JDP2: variants seen among roughly 807,000 people sequenced by gnomAD.
JDP2 encodes the protein Jun dimerization protein 2.
JDP2 carries 9 observed loss-of-function variants against 17.1 expected under a neutral mutation model. The ratio of observed to expected loss-of-function variants is 0.53; its 90% confidence interval spans 0.32 to 0.92. The LOEUF (loss-of-function observed/expected upper bound fraction) is 0.92, where lower values mean the gene tolerates loss of function less well. JDP2 is among the 40% of genes least tolerant of loss of function. The pLI, the probability that JDP2 is intolerant of heterozygous loss-of-function variation, is 0.04. For synonymous variants in JDP2, 107 were observed against 95.6 expected (o/e 1.12, Z -0.69); for missense variants, 179 against 220.0 (o/e 0.81, Z 1.18).
At chr14:75,439,362 C>G (rs1169137215) in intron 2 of JDP2, among the ~76,000 whole-genome samples, 1 of 152,136 alleles carries the variant, frequency 6.6e-6, no homozygotes, top group African/African-American at 2.4e-5. Flanking sequence ...AAAAGAAACG[C>G]GAACCCCCAT....
chr14:75,432,481 T>C, intron 1 of JDP2: 1 of 770,486 alleles, frequency 1.3e-6, no homozygotes, highest in Non-Finnish European at 2.1e-6. Flanking sequence ...TCAGTCGCCA[T>C]TGCCCATGCC....
chr14:75,473,719 G>A lies in JDP2; in HGVS notation c.*4244G>A, dbSNP rs774899586. 1 of 152,182 alleles carries A rather than the reference G, an allele frequency of 6.6e-6. No individual in the cohort carries two copies. The highest frequency in any genetic ancestry group is 1.5e-5 in the Non-Finnish European group (1 of 68,020). The allele number at this position is 152,182 out of a possible 1,614,324, so 9.4% of individuals were successfully genotyped here. A position where few individuals can be genotyped will look rare whatever the true frequency, so the allele number is the denominator to read the frequency against. Reference sequence around the variant, plus strand: ...CTGTTGAGATGGAGGGTAGGGGAGTGAACTGCGGAAGGATACCACTTATGT... The same window carrying A: ...CTGTTGAGATGGAGGGTAGGGGAGTAAACTGCGGAAGGATACCACTTATGT... On this transcript the variant is annotated 3_prime_UTR_variant, in exon 4 of 4. Coordinates refer to ENST00000651602, the MANE Select transcript of JDP2 (RefSeq NM_001135048.2).
chr14:75,445,963 G>A (rs1401447732), intron 2 of JDP2, among the ~76,000 whole-genome samples: 3 of 151,956 alleles, frequency 2.0e-5, no homozygotes, highest in African/African-American at 7.3e-5. Flanking sequence ...TCAATAATAA[G>A]ACAAATAACC....
At chr14:75,448,053 A>C (rs1258680951) in intron 2 of JDP2, among the ~76,000 whole-genome samples, 3 of 152,214 alleles carry the variant, frequency 2.0e-5, no homozygotes, top group African/African-American at 7.2e-5. Context: ...TTTGGATACG[A>C]GATTATCAGA....
rs1171102473 is a variant in JDP2 at position 75,470,688 on chromosome 14, G to A, written c.*1213G>A. 1.3e-5 allele frequency: 2 copies of A among 152,204 alleles called. No homozygotes were observed. Among genetic ancestry groups the A allele is most frequent in the Non-Finnish European group, 2.9e-5 (2 of 68,042 alleles). The allele number at this position is 152,204 out of a possible 1,614,324, so 9.4% of individuals were successfully genotyped here. A position where few individuals can be genotyped will look rare whatever the true frequency, so the allele number is the denominator to read the frequency against. ...TCTGAGGGCCTGTTGTGTGTGCCAG[G>A]CCCTGAGAATTCACTGGAGGATGAA... On this transcript the variant is annotated 3_prime_UTR_variant, in exon 4 of 4. Coordinates refer to ENST00000651602, the MANE Select transcript of JDP2 (RefSeq NM_001135048.2).
intron 3 of JDP2, among the ~76,000 whole-genome samples, chr14:75,466,769 C>T (rs1640364881): frequency 6.6e-6 from 1 of 152,140 alleles, no homozygotes. Flanking sequence ...TTTTCCTTCC[C>T]ACCGCTTTCC....
chr14:75,470,871 C>T lies in JDP2; in HGVS notation c.*1396C>T, dbSNP rs192563715. Reference sequence around the variant, plus strand: ...AATTAGAGGTCCAGGGAATTAAACTCGCAGACACCATTTGTTGAAGACTTA... The same window carrying T: ...AATTAGAGGTCCAGGGAATTAAACTTGCAGACACCATTTGTTGAAGACTTA... On this transcript the variant is annotated 3_prime_UTR_variant, in exon 4 of 4. Coordinates refer to ENST00000651602, the MANE Select transcript of JDP2 (RefSeq NM_001135048.2). The T allele has an allele frequency of 6.6e-6, 1 of 152,236 alleles. No individual in the cohort carries two copies. The highest frequency in any genetic ancestry group is 1.5e-5 in the Non-Finnish European group (1 of 68,040). The allele number at this position is 152,236 out of a possible 1,614,324, so 9.4% of individuals were successfully genotyped here. A position where few individuals can be genotyped will look rare whatever the true frequency, so the allele number is the denominator to read the frequency against.
At chr14:75,464,765 C>T (rs1441612981) in intron 3 of JDP2, among the ~76,000 whole-genome samples, 1 of 152,238 alleles carries the variant, frequency 6.6e-6, no homozygotes, top group African/African-American at 2.4e-5. Context: ...AGGCCCTGAA[C>T]CCCGGGGAAG....
rs1886842933 is a variant in JDP2 at position 75,472,827 on chromosome 14, G to A, written c.*3352G>A. On this transcript the variant is annotated 3_prime_UTR_variant, in exon 4 of 4. Transcript: ENST00000651602. ...TCTGACCCTGTACGTGGTCCCTATG[G>A]TGTGATGAATGCCTGGGATCGCAGA... The A allele has an allele frequency of 6.6e-6, 1 of 152,346 alleles. No homozygotes were observed. The highest frequency in any genetic ancestry group is 1.5e-5 in the Non-Finnish European group (1 of 68,092). 9.4% of individuals were successfully genotyped at this position (152,346 alleles called of 1,614,324 possible). A position where few individuals can be genotyped will look rare whatever the true frequency, so the allele number is the denominator to read the frequency against.
chr14:75,438,264 C>G, intron 2 of JDP2, 143 bp downstream of exon 2: 1 of 628,878 alleles, frequency 1.6e-6, no homozygotes, highest in Non-Finnish European at 2.7e-6. Context: ...GAATCCCAGG[C>G]CTCGCCCCAG....
At chr14:75,453,393 G>A (rs1885957928) in intron 2 of JDP2, among the ~76,000 whole-genome samples, 1 of 152,184 alleles carries the variant, frequency 6.6e-6, no homozygotes, top group Admixed American at 6.5e-5. Context: ...CTCCAGGCCT[G>A]CTCACTGACA....
intron 2 of JDP2, among the ~76,000 whole-genome samples, chr14:75,451,484 T>C (rs1224957821): frequency 6.6e-6 from 1 of 152,098 alleles, no homozygotes; most frequent in African/African-American, 2.4e-5. Flanking sequence ...GATATTTGGG[T>C]CTGCAAATCC....
At chr14:75,446,611 ATAGAGACAGGAAG>A (rs1885612549) in intron 2 of JDP2, among the ~76,000 whole-genome samples, 1 of 148,882 alleles carries the variant, frequency 6.7e-6, no homozygotes, top group South Asian at 2.1e-4. Flanking sequence ...AGGCAAATTC[ATAGAGACAGGAAG>A]TAGAGCCAGT....
chr14:75,438,845 A>G (rs773993781), intron 2 of JDP2, among the ~76,000 whole-genome samples: 8 of 152,216 alleles, frequency 5.3e-5, no homozygotes, highest in Non-Finnish European at 1.0e-4. Flanking sequence ...ATGGCTGAGG[A>G]TCTGTGCAGG....
Position 75,431,958 on chromosome 14 carries a change from C to T in JDP2, c.-24+3706C>T, listed in dbSNP as rs139800032. Among the ~76,000 whole-genome samples, 274 of 152,334 alleles carry T rather than the reference C, an allele frequency of 1.8e-3. 1 individual carries two copies. Among genetic ancestry groups the T allele is most frequent in the African/African-American group, 6.3e-3 (263 of 41,566 alleles). On this transcript the variant is annotated intron_variant, in intron 1 of 3. Transcript: ENST00000651602. ...CTTGACAGCCATACAGGGCAAATAA[C>T]ATTGTTATTCTTTACAGCTGAGGAA... is the stretch of plus-strand genomic sequence containing the variant.
intron 2 of JDP2, among the ~76,000 whole-genome samples, chr14:75,461,011 A>G (rs1291633917): frequency 1.3e-5 from 2 of 152,232 alleles, no homozygotes; most frequent in Non-Finnish European, 2.9e-5. Flanking sequence ...GCAAGAGAGT[A>G]CAAGACAGCA....
At chr14:75,464,144 C>T (rs1886463540) in intron 3 of JDP2, among the ~76,000 whole-genome samples, 1 of 152,168 alleles carries the variant, frequency 6.6e-6, no homozygotes, top group Non-Finnish European at 1.5e-5. Flanking sequence ...GCCTTGGAAG[C>T]AGAGGTTTGG....
chr14:75,442,585 T>C (rs1050009090), intron 2 of JDP2, among the ~76,000 whole-genome samples: 1 of 152,198 alleles, frequency 6.6e-6, no homozygotes, highest in African/African-American at 2.4e-5. Flanking sequence ...AATTCTTATC[T>C]CCAGCCATTG....
At chr14:75,452,947 T>G (rs960047864) in intron 2 of JDP2, among the ~76,000 whole-genome samples, 7 of 152,328 alleles carry the variant, frequency 4.6e-5, no homozygotes, top group African/African-American at 1.7e-4. Context: ...TGGCAAGAGA[T>G]GACGGGAGAG....
Sources: allele counts gnomAD v4.1 joint callset (sites outside exome capture counted in the v4.1 genomes callset), GRCh38; gene constraint gnomAD v4.1.1; transcripts MANE v1.5; gene names NCBI Gene and HGNC (gene_info 2026-07-23, HGNC 2026-07-21).